NCK1: variants seen among roughly 807,000 people sequenced by gnomAD.
NCK1 encodes NCK adaptor protein 1.
NCK1 carries 19 observed loss-of-function variants against 36.6 expected under a neutral mutation model. The observed-to-expected ratio is 0.52, with a 90% confidence interval of 0.36 to 0.76. The LOEUF is 0.76. NCK1 is among the 30% of genes least tolerant of loss of function. The pLI is 0.00. For missense variants in NCK1, 358 were observed against 445.6 expected (o/e 0.80, Z 1.77); for synonymous variants, 165 against 156.0 (o/e 1.06, Z -0.43).
At chr3:136,926,343 C>T (rs1053543772) in intron 1 of NCK1, among the ~76,000 whole-genome samples, 3 of 151,738 alleles carry the variant, frequency 2.0e-5, no homozygotes, top group African/African-American at 4.8e-5. Context: ...GGCGCGATCT[C>T]GGCTCACTGC....
chr3:136,869,253 T>A (rs920491878), intron 1 of NCK1, among the ~76,000 whole-genome samples: 9 of 146,328 alleles, frequency 6.2e-5, no homozygotes, highest in East Asian at 2.1e-4. Flanking sequence ...AAAAAAAAAA[T>A]TTTATTTGTT....
chr3:136,886,395 A>G (rs189185110), intron 1 of NCK1, among the ~76,000 whole-genome samples: 2 of 152,334 alleles, frequency 1.3e-5, no homozygotes, highest in East Asian at 3.9e-4. Context: ...CTATTTACAT[A>G]TAACCTATGC....
chr3:136,894,736 C>T (rs1342727576), intron 1 of NCK1, among the ~76,000 whole-genome samples: 1 of 152,198 alleles, frequency 6.6e-6, no homozygotes, highest in Non-Finnish European at 1.5e-5. Flanking sequence ...GTTCCAATTC[C>T]ATCCTGCCAC....
At chr3:136,936,470 A>G (rs1940534056) in intron 2 of NCK1, among the ~76,000 whole-genome samples, 1 of 152,174 alleles carries the variant, frequency 6.6e-6, no homozygotes, top group Admixed American at 6.5e-5. Context: ...ATGTACAGTT[A>G]TTGTTTGAAT....
chr3:136,865,751 A>G (rs1938393958), intron 1 of NCK1, among the ~76,000 whole-genome samples: 1 of 152,258 alleles, frequency 6.6e-6, no homozygotes, highest in Non-Finnish European at 1.5e-5. Context: ...CAACAAGGCT[A>G]AATATGACAT....
chr3:136,943,283 A>G (rs1489060002), intron 2 of NCK1, among the ~76,000 whole-genome samples: 2 of 152,208 alleles, frequency 1.3e-5, no homozygotes, highest in Admixed American at 6.5e-5. Flanking sequence ...ATCACCCCAA[A>G]TGTAGGGATT....
intron 2 of NCK1, among the ~76,000 whole-genome samples, chr3:136,931,909 C>T (rs1940399936): frequency 6.6e-6 from 1 of 152,078 alleles, no homozygotes. Context: ...CACTTGAGGT[C>T]AGGAGTTTGA....
chr3:136,922,665 A>G (rs1441066139), intron 1 of NCK1, among the ~76,000 whole-genome samples: 1 of 152,260 alleles, frequency 6.6e-6, no homozygotes, highest in Non-Finnish European at 1.5e-5. Flanking sequence ...ATTGGCAAAA[A>G]TCCAAAAGAT....
chr3:136,941,479 A>AT (rs1281504413), intron 2 of NCK1, among the ~76,000 whole-genome samples: 1 of 151,614 alleles, frequency 6.6e-6, no homozygotes, highest in Admixed American at 6.6e-5. Context: ...CTCTTTCTGT[A>AT]TTTTTGTTTT....
chr3:136,866,560 G>C (rs1938417539), intron 1 of NCK1, among the ~76,000 whole-genome samples: 1 of 151,600 alleles, frequency 6.6e-6, no homozygotes, highest in African/African-American at 2.4e-5. Flanking sequence ...ACACATCTCA[G>C]CCTGCCAAAG....
chr3:136,884,282 T>A (rs1484517434), intron 1 of NCK1, among the ~76,000 whole-genome samples: 1 of 152,162 alleles, frequency 6.6e-6, no homozygotes, highest in East Asian at 1.9e-4. Context: ...GATGATTAAG[T>A]TGGCTGCATC....
intron 2 of NCK1, chr3:136,930,495 G>T: frequency 7.4e-7 from 1 of 1,348,648 alleles, no homozygotes; most frequent in South Asian, 2.0e-5. Flanking sequence ...AACAGACGAG[G>T]AAGCTCACTG....
At chr3:136,897,650 A>G (rs912246751) in intron 1 of NCK1, among the ~76,000 whole-genome samples, 1 of 152,148 alleles carries the variant, frequency 6.6e-6, no homozygotes, top group Non-Finnish European at 1.5e-5. Context: ...TAGTTCGCAC[A>G]TATTTTCTCC....
chr3:136,902,536 G>A (rs1225513579), intron 1 of NCK1, among the ~76,000 whole-genome samples: 1 of 152,128 alleles, frequency 6.6e-6, no homozygotes, highest in Admixed American at 6.5e-5. Context: ...CTTATCTGAG[G>A]AGATACTTGA....
chr3:136,950,877 TAGA>T lies in NCK1; in HGVS notation c.*2427_*2429del, dbSNP rs1230802564. Among the ~76,000 whole-genome samples, 6 of 152,124 alleles carry T rather than the reference TAGA, an allele frequency of 3.9e-5. No individual in the cohort carries two copies. The highest frequency in any genetic ancestry group is 8.8e-5 in the Non-Finnish European group (6 of 67,986). On this transcript the variant is annotated 3_prime_UTR_variant, in exon 4 of 4. Transcript: ENST00000481752. ...TCTACAAATAACTTCCCCAAAATCTTAGAAGGTTTTTTAGAACATGATATAAGC... is the reference window on the plus strand; with the variant it reads ...TCTACAAATAACTTCCCCAAAATCTTAGGTTTTTTAGAACATGATATAAGC...
At chr3:136,900,816 G>T (rs143204471) in intron 1 of NCK1, among the ~76,000 whole-genome samples, 1 of 152,264 alleles carries the variant, frequency 6.6e-6, no homozygotes, top group African/African-American at 2.4e-5. Flanking sequence ...TTTTGGTGGA[G>T]TCTAGGTTTC....
At chr3:136,863,684 T>C (rs1938316076) in intron 1 of NCK1, among the ~76,000 whole-genome samples, 1 of 152,230 alleles carries the variant, frequency 6.6e-6, no homozygotes. Context: ...ACTCAGCTGT[T>C]GGCTCATGTA....
At chr3:136,899,626 T>TC (rs1939486981) in intron 1 of NCK1, 1 of 675,760 alleles carries the variant, frequency 1.5e-6, no homozygotes, top group African/African-American at 1.8e-5. Flanking sequence ...GCTTTTCTTT[T>TC]CCCTTGAATA....
intron 2 of NCK1, among the ~76,000 whole-genome samples, chr3:136,934,048 G>A (rs186044174): frequency 1.3e-5 from 2 of 152,220 alleles, no homozygotes; most frequent in Admixed American, 1.3e-4. Context: ...ATAAGCACTA[G>A]AAGGTAGGAA....
Sources: allele counts gnomAD v4.1 joint callset (sites outside exome capture counted in the v4.1 genomes callset), GRCh38; gene constraint gnomAD v4.1.1; transcripts MANE v1.5; gene names NCBI Gene and HGNC (gene_info 2026-07-23, HGNC 2026-07-21).